EML1: variants seen among roughly 807,000 people sequenced by gnomAD.
The protein encoded by EML1 is EMAP like 1, also known as echinoderm microtubule-associated protein-like 1.
EML1 carries 27 observed loss-of-function variants against 110.4 expected under a neutral mutation model. The observed-to-expected ratio is 0.24, with a 90% CI of 0.18 to 0.34. The LOEUF is 0.34. Among genes scored for constraint, EML1 ranks in the 10% least tolerant of loss-of-function variants. The probability of loss-of-function intolerance (pLI) is 1.00; values close to 1 mark genes in which losing one functional copy is unlikely to be tolerated. For synonymous variants in EML1, 344 were observed against 385.8 expected (o/e 0.89, Z 1.27); for missense variants, 741 against 1,030.9 (o/e 0.72, Z 3.85).
intron 3 of EML1, among the ~76,000 whole-genome samples, chr14:99,871,995 C>T (rs2059213641): frequency 6.6e-6 from 1 of 152,210 alleles, no homozygotes. Flanking sequence ...TCAGCCCTGA[C>T]ATCTGCTCAG....
chr14:99,862,282 A>G (rs1182895695), intron 2 of EML1, among the ~76,000 whole-genome samples: 1 of 152,172 alleles, frequency 6.6e-6, no homozygotes, highest in Non-Finnish European at 1.5e-5. Context: ...TGCTATCAAC[A>G]TGGCTCATCA....
intron 4 of EML1, among the ~76,000 whole-genome samples, chr14:99,881,476 T>TA (rs1224297215): frequency 2.0e-5 from 3 of 152,226 alleles, no homozygotes; most frequent in African/African-American, 7.2e-5. Flanking sequence ...CTGTATAAAT[T>TA]ATACAAATCT....
At chr14:99,933,968 G>A (rs1210182890) in intron 17 of EML1, among the ~76,000 whole-genome samples, 1 of 152,160 alleles carries the variant, frequency 6.6e-6, no homozygotes, top group African/African-American at 2.4e-5. Flanking sequence ...AGTGGCATGT[G>A]CCTGTAATCC....
At chr14:99,788,063 G>A (rs7158463) in intron 1 of EML1, among the ~76,000 whole-genome samples, 3 of 151,878 alleles carry the variant, frequency 2.0e-5, no homozygotes, top group Admixed American at 6.6e-5. Flanking sequence ...TCCAAGGCCC[G>A]CTGCAAGCAG....
chr14:99,880,181 C>T (rs568713667), intron 4 of EML1, among the ~76,000 whole-genome samples: 9 of 152,244 alleles, frequency 5.9e-5, no homozygotes, highest in South Asian at 4.1e-4. Context: ...AGAACCCAGG[C>T]GTGGTTGAGG....
intron 9 of EML1, among the ~76,000 whole-genome samples, chr14:99,904,848 A>G (rs545098706): frequency 6.6e-6 from 1 of 152,372 alleles, no homozygotes. Flanking sequence ...CAGTGGGCTT[A>G]TAGGGTCCTA....
At chr14:99,894,472 T>C (rs1228538283) in intron 5 of EML1, 157 bp from the exon 6 acceptor site, 2 of 963,170 alleles carry the variant, frequency 2.1e-6, no homozygotes, top group East Asian at 6.4e-5. Context: ...TTTCAAACTG[T>C]TTATTTTTAT....
chr14:99,838,909 G>GCGCA (rs2058583813), intron 1 of EML1: 1 of 113,190 alleles, frequency 8.8e-6, no homozygotes, highest in Non-Finnish European at 1.8e-5. Context: ...TGGGGAGTGC[G>GCGCA]CGCGCGCGCG....
chr14:99,762,669 C>A (rs911268621), intron 1 of EML1, among the ~76,000 whole-genome samples: 1 of 152,154 alleles, frequency 6.6e-6, no homozygotes, highest in Non-Finnish European at 1.5e-5. Context: ...TGTGGTGTCA[C>A]ATGCCTGTAG....
chr14:99,749,019 C>G (rs1187257940), intron 1 of EML1, among the ~76,000 whole-genome samples: 15 of 152,192 alleles, frequency 9.9e-5, no homozygotes, highest in Non-Finnish European at 1.2e-4. Context: ...GATTAATACC[C>G]CAGCATATGG....
chr14:99,939,122 A>G lies in EML1; in HGVS notation c.2192-75A>G. On this transcript the variant is annotated intron_variant, in intron 20 of 21. Coordinates refer to ENST00000262233, the MANE Select transcript of EML1 (RefSeq NM_004434.3). The surrounding 1 kb of genome is among the most constrained non-coding windows in gnomAD (Gnocchi z 4.2). ...GGCAGTTTCATGTTCAGGACCGTTC[A>G]GTGGGCGCTTCCTGCGCCATGTGGC... 1 of 1,574,944 alleles carries G rather than the reference A, an allele frequency of 6.3e-7. No homozygotes were observed. The highest frequency in any genetic ancestry group is 1.2e-5 in the South Asian group (1 of 84,796).
At chr14:99,789,210 A>G (rs1367594344), upstream of EML1, among the ~76,000 whole-genome samples, 1 of 151,712 alleles carries the variant, frequency 6.6e-6, no homozygotes, top group Non-Finnish European at 1.5e-5. Context: ...CTTTTTATTC[A>G]TTTATTTATT....
At chr14:99,745,971 T>A (rs2057102909) in intron 1 of EML1, among the ~76,000 whole-genome samples, 1 of 152,204 alleles carries the variant, frequency 6.6e-6, no homozygotes, top group Non-Finnish European at 1.5e-5. Flanking sequence ...CCCACTCTGG[T>A]GTCCTTGTCC....
chr14:99,788,688 C>T (rs2057626800), upstream of EML1, among the ~76,000 whole-genome samples: 2 of 151,998 alleles, frequency 1.3e-5, 1 homozygote, highest in East Asian at 3.9e-4. Context: ...CCATTGTAAC[C>T]ATCTTTAAGT....
At chr14:99,852,590 G>A (rs1356714827) in intron 2 of EML1, among the ~76,000 whole-genome samples, 1 of 152,226 alleles carries the variant, frequency 6.6e-6, no homozygotes, top group Non-Finnish European at 1.5e-5. Context: ...GGGTGACAGA[G>A]CAAGACCCCA....
chr14:99,849,110 T>G (rs2058749456), intron 1 of EML1, among the ~76,000 whole-genome samples: 1 of 152,244 alleles, frequency 6.6e-6, no homozygotes, highest in Non-Finnish European at 1.5e-5. Flanking sequence ...ATATAATTTT[T>G]CTTTAGCCTG....
intron 10 of EML1, among the ~76,000 whole-genome samples, chr14:99,908,060 G>C (rs1296345301): frequency 2.6e-5 from 4 of 152,190 alleles, no homozygotes; most frequent in Admixed American, 2.0e-4. Flanking sequence ...CCACGTGCTC[G>C]CACGGCACGT....
intron 17 of EML1, among the ~76,000 whole-genome samples, chr14:99,927,435 G>A (rs2060255175): frequency 6.6e-6 from 1 of 152,156 alleles, no homozygotes; most frequent in African/African-American, 2.4e-5. Context: ...TCATATTCAA[G>A]CTGTATATGT....
At chr14:99,780,728 A>C (rs1226206686) in intron 1 of EML1, among the ~76,000 whole-genome samples, 4 of 152,166 alleles carry the variant, frequency 2.6e-5, no homozygotes, top group African/African-American at 9.7e-5. Context: ...TTCTCTGTTT[A>C]GAGATGTTTA....
Sources: allele counts gnomAD v4.1 joint callset (sites outside exome capture counted in the v4.1 genomes callset), GRCh38; gene constraint gnomAD v4.1.1; non-coding constraint Gnocchi (gnomAD v3.1); transcripts MANE v1.5; gene names NCBI Gene and HGNC (gene_info 2026-07-23, HGNC 2026-07-21).